RBFOX1: variants seen among roughly 807,000 people sequenced by gnomAD.
RBFOX1 encodes the protein RNA binding protein fox-1 homolog 1.
Under a neutral mutation model 57.7 loss-of-function variants are expected in RBFOX1, and 8 were observed. The observed-to-expected ratio is 0.14, with a 90% confidence interval of 0.08 to 0.25. The LOEUF (loss-of-function observed/expected upper bound fraction) is 0.25, where lower values mean the gene tolerates loss of function less well. Ranked by LOEUF, RBFOX1 falls within the 10% of genes least tolerant of loss-of-function variation. The pLI is 1.00. For synonymous variants in RBFOX1, 326 were observed against 222.4 expected (o/e 1.47, Z -4.15); for missense variants, 611 against 548.5 (o/e 1.11, Z -1.14).
chr16:6,006,118 A>T (rs1447316520), intron 4 of RBFOX1, among the ~76,000 whole-genome samples: 1 of 152,198 alleles, frequency 6.6e-6, no homozygotes, highest in Non-Finnish European at 1.5e-5. Flanking sequence ...TTTGTGTTGT[A>T]TTGCCTAATT....
chr16:6,465,339 T>G (rs183653058), intron 2 of RBFOX1, among the ~76,000 whole-genome samples: 140 of 152,352 alleles, frequency 9.2e-4, no homozygotes, highest in Admixed American at 1.8e-3. Context: ...TAAAGAATAG[T>G]ACATACTCTT....
chr16:5,415,337 C>T (rs2067133476), intron 1 of RBFOX1, among the ~76,000 whole-genome samples: 1 of 152,136 alleles, frequency 6.6e-6, no homozygotes, highest in African/African-American at 2.4e-5. Context: ...TGAGAACTCC[C>T]TTGCTATCAC....
intron 1 of RBFOX1, among the ~76,000 whole-genome samples, chr16:6,044,758 C>G (rs1415697820): frequency 6.6e-6 from 1 of 152,208 alleles, no homozygotes; most frequent in Non-Finnish European, 1.5e-5. Flanking sequence ...ATACCAAGAT[C>G]CTACAGTGGC....
chr16:7,231,583 T>C (rs1015456510), intron 4 of RBFOX1, among the ~76,000 whole-genome samples: 4 of 152,160 alleles, frequency 2.6e-5, no homozygotes, highest in African/African-American at 9.7e-5. Context: ...TGAATCCACA[T>C]ACACAAATGC....
chr16:7,684,453 C>G (rs539206033), intron 14 of RBFOX1, among the ~76,000 whole-genome samples: 38 of 151,926 alleles, frequency 2.5e-4, no homozygotes, highest in Non-Finnish European at 5.0e-4. Flanking sequence ...TGTGACTGTT[C>G]AAATAGATTA....
chr16:7,236,161 G>C (rs149579919), intron 4 of RBFOX1, among the ~76,000 whole-genome samples: 1 of 152,104 alleles, frequency 6.6e-6, no homozygotes, highest in South Asian at 2.1e-4. Context: ...CATTGCTACT[G>C]TTAAGCATTA....
At chr16:7,260,284 C>G (rs2094866229) in intron 4 of RBFOX1, among the ~76,000 whole-genome samples, 1 of 152,162 alleles carries the variant, frequency 6.6e-6, no homozygotes, top group Non-Finnish European at 1.5e-5. Context: ...GCCAGATATC[C>G]AGACATGCTT....
intron 2 of RBFOX1, among the ~76,000 whole-genome samples, chr16:5,517,102 C>T (rs2043820809): frequency 6.6e-6 from 1 of 151,868 alleles, no homozygotes; most frequent in Non-Finnish European, 1.5e-5. Flanking sequence ...GGTTGGAGGC[C>T]TATAGTAAGA....
At chr16:5,485,003 G>T (rs1276015506) in intron 2 of RBFOX1, among the ~76,000 whole-genome samples, 1 of 151,854 alleles carries the variant, frequency 6.6e-6, no homozygotes, top group Admixed American at 6.6e-5. Context: ...AAGCTTCCGT[G>T]AGCTATGATT....
chr16:7,292,337 G>GAT (rs983457971), intron 4 of RBFOX1, among the ~76,000 whole-genome samples: 8 of 131,072 alleles, frequency 6.1e-5, no homozygotes, highest in African/African-American at 8.5e-5. Flanking sequence ...TATCATACAT[G>GAT]ATATATATAA....
chr16:6,287,181 T>C (rs984298070), intron 1 of RBFOX1, among the ~76,000 whole-genome samples: 2 of 152,136 alleles, frequency 1.3e-5, no homozygotes, highest in African/African-American at 4.8e-5. Context: ...TGAATGCAAA[T>C]TCAGCCTCCA....
intron 1 of RBFOX1, among the ~76,000 whole-genome samples, chr16:6,083,264 A>G (rs889838620): frequency 6.6e-6 from 1 of 152,092 alleles, no homozygotes; most frequent in Non-Finnish European, 1.5e-5. Flanking sequence ...CGGCCTCCCA[A>G]AGTTCTAGGA....
At chr16:7,243,007 G>A (rs541937864) in intron 4 of RBFOX1, among the ~76,000 whole-genome samples, 7 of 152,050 alleles carry the variant, frequency 4.6e-5, no homozygotes, top group African/African-American at 1.7e-4. Flanking sequence ...TTTGTTACTT[G>A]GATTTTCAGG....
At chr16:7,162,047 T>C (rs887211678) in intron 4 of RBFOX1, among the ~76,000 whole-genome samples, 2 of 152,188 alleles carry the variant, frequency 1.3e-5, no homozygotes, top group Non-Finnish European at 2.9e-5. Flanking sequence ...AACAAGAGCC[T>C]GTTTCCTTCT....
intron 2 of RBFOX1, among the ~76,000 whole-genome samples, chr16:6,618,285 G>A (rs180860906): frequency 3.2e-4 from 48 of 152,182 alleles, no homozygotes; most frequent in African/African-American, 8.9e-4. Flanking sequence ...CAACAAAACC[G>A]TTCATTGTAA....
intron 3 of RBFOX1, among the ~76,000 whole-genome samples, chr16:5,614,069 G>A (rs139118134): frequency 6.6e-6 from 1 of 152,152 alleles, no homozygotes; most frequent in Non-Finnish European, 1.5e-5. Context: ...CCTTTTTCTC[G>A]CTAAGAATGG....
chr16:5,337,500 G>C (rs1016195273), intron 1 of RBFOX1, among the ~76,000 whole-genome samples: 1 of 152,134 alleles, frequency 6.6e-6, no homozygotes, highest in African/African-American at 2.4e-5. Flanking sequence ...TCCCTTCTCA[G>C]ACTACATAAC....
At chr16:6,539,703 CA>C (rs2096784987) in intron 2 of RBFOX1, among the ~76,000 whole-genome samples, 1 of 151,962 alleles carries the variant, frequency 6.6e-6, no homozygotes, top group African/African-American at 2.4e-5. Context: ...GAGGCTGAGG[CA>C]GGAGAATTGC....
intron 4 of RBFOX1, among the ~76,000 whole-genome samples, chr16:7,142,714 G>A (rs2074090598): frequency 6.6e-6 from 1 of 152,042 alleles, no homozygotes; most frequent in Non-Finnish European, 1.5e-5. Context: ...CCCTCTCTAA[G>A]GTCACTGCAT....
Sources: gnomAD v4.1 joint callset for allele counts (sites outside exome capture counted in the v4.1 genomes callset) on GRCh38, gnomAD v4.1.1 for gene constraint, MANE v1.5 for transcripts, NCBI Gene and HGNC (gene_info 2026-07-23, HGNC 2026-07-21) for gene names.